The following RELCH variants were observed in gnomAD, a reference collection of about 807,000 sequenced individuals.
RELCH encodes RAB11 binding and LisH domain, coiled-coil and HEAT repeat containing.
Under a neutral mutation model 150.3 loss-of-function variants are expected in RELCH, and 41 were observed. The observed-to-expected ratio is 0.27, with a 90% confidence interval of 0.21 to 0.35. The LOEUF (loss-of-function observed/expected upper bound fraction) is 0.35. Among genes scored for constraint, RELCH ranks in the 10% least tolerant of loss-of-function variants. The pLI is 1.00. For synonymous variants in RELCH, 478 were observed against 531.8 expected, an observed-to-expected ratio of 0.90 and a Z score of 1.39; for missense variants, 1,092 against 1,467.8, an observed-to-expected ratio of 0.74 and a Z score of 4.18.
intron 18 of RELCH, among the ~76,000 whole-genome samples, chr18:62,265,743 A>C (rs2043521949): frequency 1.3e-5 from 2 of 151,980 alleles, no homozygotes; most frequent in South Asian, 4.1e-4. Context: ...ATGTGGGCTT[A>C]GTCTTTTCAT....
intron 20 of RELCH, among the ~76,000 whole-genome samples, chr18:62,271,213 G>A (rs1345707038): frequency 6.6e-6 from 1 of 152,144 alleles, no homozygotes; most frequent in East Asian, 1.9e-4. Context: ...CACCAACAGT[G>A]TAAAAGCGTT....
At chr18:62,201,874 A>C (rs2039473821) in intron 1 of RELCH, among the ~76,000 whole-genome samples, 1 of 152,184 alleles carries the variant, frequency 6.6e-6, no homozygotes, top group African/African-American at 2.4e-5. Context: ...TTTGGTTCTT[A>C]AAGTGCCATG....
intron 1 of RELCH, among the ~76,000 whole-genome samples, chr18:62,197,176 T>C (rs1028823783): frequency 2.0e-5 from 3 of 152,210 alleles, no homozygotes; most frequent in Admixed American, 1.3e-4. Context: ...GCTTACCATA[T>C]AATAGGGTGT....
chr18:62,208,064 A>G (rs890902569), intron 1 of RELCH, among the ~76,000 whole-genome samples: 33 of 151,996 alleles, frequency 2.2e-4, no homozygotes, highest in African/African-American at 7.5e-4. Flanking sequence ...GCAACTTACC[A>G]TCTCTTTTAC....
chr18:62,228,223 A>G (rs2041334763), intron 7 of RELCH, 82 bp from the exon 8 acceptor site: 1 of 1,107,440 alleles, frequency 9.0e-7, no homozygotes, highest in Non-Finnish European at 1.3e-6. Context: ...CTTTTAAAAC[A>G]TTAAACCCAT....
At chr18:62,290,399 C>T (rs73462483) in intron 26 of RELCH, among the ~76,000 whole-genome samples, 1,699 of 152,184 alleles carry the variant, frequency 0.011, 21 homozygotes, top group East Asian at 0.038. Flanking sequence ...GATGTGGTGC[C>T]GTGCACCTGT....
chr18:62,274,623 C>T (rs2044095182), intron 21 of RELCH, among the ~76,000 whole-genome samples: 1 of 152,228 alleles, frequency 6.6e-6, no homozygotes, highest in Non-Finnish European at 1.5e-5. Flanking sequence ...TTTGATTCTA[C>T]AACAACCATG....
At chr18:62,214,838 G>A (rs1038061302) in intron 2 of RELCH, among the ~76,000 whole-genome samples, 2 of 152,042 alleles carry the variant, frequency 1.3e-5, no homozygotes, top group Admixed American at 1.3e-4. Context: ...AGGGGACTTT[G>A]AGCAGTAAAA....
At position 62,280,407 on chromosome 18, in the gene RELCH, T is replaced by C; in HGVS notation, c.3051-239T>C. 3 of 1,614,038 alleles carry C rather than the reference T, an allele frequency of 1.9e-6. No individual in the cohort carries two copies. The African/African-American group carries it at 4.0e-5, about 22-fold the overall frequency. On this transcript the variant is annotated intron_variant, in intron 23 of 28. Coordinates refer to ENST00000644646, the MANE Select transcript of RELCH (RefSeq NM_001346231.2). ...AAGCGTTAGTTGACAAGCGGGTTGC[T>C]CCGGCCCTTGTTACCTTGTCCAGTG...
intron 12 of RELCH, among the ~76,000 whole-genome samples, chr18:62,253,249 G>GATGCGTTC (rs113708423): frequency 0.73 from 109,628 of 149,604 alleles, 40,419 homozygotes; most frequent in East Asian, 0.91. Flanking sequence ...GAGTATACTT[G>GATGCGTTC]AAGAAACAGC....
chr18:62,226,571 A>G (rs960800843), intron 5 of RELCH, among the ~76,000 whole-genome samples: 1 of 152,148 alleles, frequency 6.6e-6, no homozygotes, highest in African/African-American at 2.4e-5. Flanking sequence ...TAACCTATAA[A>G]TAATAGGTAC....
chr18:62,279,770 T>A lies in RELCH; in HGVS notation c.2968-4T>A. On this transcript the variant is annotated splice_polypyrimidine_tract_variant and splice_region_variant and intron_variant, in intron 22 of 28. Coordinates refer to ENST00000644646, the MANE Select transcript of RELCH (RefSeq NM_001346231.2). ...TGTGAATACCCCCTGTGCTGACCAA[T>A]CAGCTGTTGGTGAAGGGGGTGAATG... is the stretch of plus-strand genomic sequence containing the variant. The A allele has an allele frequency of 6.5e-7, 1 of 1,532,210 alleles. No individual in the cohort carries two copies. The highest frequency in any genetic ancestry group is 8.7e-7 in the Non-Finnish European group (1 of 1,143,334). 94.9% of individuals were successfully genotyped at this position (1,532,210 alleles called of 1,614,324 possible).
chr18:62,304,152 T>A (rs986855976), intron 28 of RELCH, among the ~76,000 whole-genome samples: 1 of 152,202 alleles, frequency 6.6e-6, no homozygotes, highest in Admixed American at 6.5e-5. Flanking sequence ...ATGTTGGCTT[T>A]ATCTAGCAAA....
chr18:62,237,769 A>C (rs548804048), intron 10 of RELCH, among the ~76,000 whole-genome samples: 1 of 151,858 alleles, frequency 6.6e-6, no homozygotes. Flanking sequence ...TTAAAAAAGA[A>C]AAACATGCTG....
chr18:62,282,037 T>C (rs2044543075), intron 24 of RELCH, among the ~76,000 whole-genome samples: 1 of 152,168 alleles, frequency 6.6e-6, no homozygotes, highest in Non-Finnish European at 1.5e-5. Flanking sequence ...CTAAATACGG[T>C]GGGATTTTTT....
At chr18:62,290,002 A>G (rs1014869414) in intron 26 of RELCH, among the ~76,000 whole-genome samples, 2 of 152,184 alleles carry the variant, frequency 1.3e-5, no homozygotes, top group Non-Finnish European at 2.9e-5. Flanking sequence ...GCAAGACTAC[A>G]TAATCATTAG....
chr18:62,308,250 A>G lies in RELCH; in HGVS notation c.*2716A>G, dbSNP rs1049905226. The G allele has an allele frequency of 6.6e-6, 1 of 152,174 alleles. No homozygotes were observed. Among genetic ancestry groups the G allele is most frequent in the African/African-American group, 2.4e-5 (1 of 41,450 alleles). 9.4% of individuals were successfully genotyped at this position (152,174 alleles called of 1,614,324 possible). On this transcript the variant is annotated 3_prime_UTR_variant, in exon 29 of 29. Transcript: ENST00000644646. ...ACAACCTATTTTGGACCATTATTTG[A>G]ACTCCAAGGATGTAACTTTCTGTAG... is the stretch of plus-strand genomic sequence containing the variant.
chr18:62,268,292 A>G (rs2043697765), intron 19 of RELCH, among the ~76,000 whole-genome samples: 1 of 152,070 alleles, frequency 6.6e-6, no homozygotes, highest in Admixed American at 6.6e-5. Flanking sequence ...CAAAGCAGTT[A>G]CAGGGCACAG....
At chr18:62,243,466 T>C (rs778001215) in intron 10 of RELCH, among the ~76,000 whole-genome samples, 28 of 152,126 alleles carry the variant, frequency 1.8e-4, no homozygotes, top group Non-Finnish European at 3.4e-4. Flanking sequence ...CCTACAGAGA[T>C]GCCCAAACAG....
Sources: allele counts gnomAD v4.1 joint callset (sites outside exome capture counted in the v4.1 genomes callset), GRCh38; gene constraint gnomAD v4.1.1; transcripts MANE v1.5; gene names NCBI Gene and HGNC (gene_info 2026-07-23, HGNC 2026-07-21).